Variants in SLC6A16 observed in about 807,000 individuals in gnomAD.
The protein encoded by SLC6A16 is solute carrier family 6 member 16, also known as orphan sodium- and chloride-dependent neurotransmitter transporter NTT5.
A neutral mutation model predicts 65.4 loss-of-function variants in SLC6A16; 54 were observed. The ratio of observed to expected loss-of-function variants is 0.83; its 90% CI spans 0.66 to 1.04. SLC6A16 has a LOEUF of 1.04. SLC6A16 is among the 50% of genes least tolerant of loss of function. The pLI, the probability that SLC6A16 is intolerant of heterozygous loss-of-function variation, is 0.00. For synonymous variants in SLC6A16, 330 were observed against 346.5 expected, an observed-to-expected ratio of 0.95 and a Z score of 0.53; for missense variants, 816 against 914.0, an observed-to-expected ratio of 0.89 and a Z score of 1.38.
chr19:49,290,561 G>T, intron 11 of SLC6A16, 44 bp downstream of exon 11: 1 of 1,603,652 alleles, frequency 6.2e-7, no homozygotes, highest in Non-Finnish European at 8.5e-7. Context: ...TGAAAGGTCT[G>T]GCCCCTACTC....
At chr19:49,338,187 A>G in the SLC6A16 span, 3 of 1,437,982 alleles carry the variant, frequency 2.1e-6, 1 homozygote, top group South Asian at 4.5e-5. The surrounding 1 kb of genome is among the most constrained non-coding windows in gnomAD (Gnocchi z 5.0). Flanking sequence ...AGATGACACA[A>G]CTGTCCCCGG....
chr19:49,337,626 A>G, the SLC6A16 span: 2 of 1,482,640 alleles, frequency 1.3e-6, no homozygotes, highest in Non-Finnish European at 1.8e-6. Context: ...AAATTAATAG[A>G]AAGACACACC....
intron 7 of SLC6A16, among the ~76,000 whole-genome samples, 164 bp from the exon 8 acceptor site, chr19:49,294,717 G>T (rs988717201): frequency 6.6e-6 from 1 of 152,102 alleles, no homozygotes; most frequent in Admixed American, 6.5e-5. Context: ...CTTCAGGGAC[G>T]TGAATTCGTT....
At chr19:49,321,924 C>CA (rs577442023) in intron 1 of SLC6A16, among the ~76,000 whole-genome samples, 1,211 of 106,776 alleles carry the variant, frequency 0.011, 7 homozygotes, top group Non-Finnish European at 0.014. Context: ...CATGTCTCAG[C>CA]AAAAAAAAAA....
At chr19:49,299,218 C>T (rs1016205204) in intron 7 of SLC6A16, among the ~76,000 whole-genome samples, 1 of 147,732 alleles carries the variant, frequency 6.8e-6, no homozygotes, top group African/African-American at 2.5e-5. Flanking sequence ...TGCAGTCCAG[C>T]CTGGGCAACA....
In SLC6A16 at chr19:49,309,046, G is replaced by C; in HGVS notation, c.1059C>G (p.Gly353=). 6.2e-7 allele frequency: 1 copy of C among 1,614,154 alleles called. No homozygotes were observed. The highest frequency in any genetic ancestry group is 8.5e-7 in the Non-Finnish European group (1 of 1,180,002). Residue 353 remains glycine (G), a synonymous_variant, in exon 7 of 12, where the codon GGC becomes GGG. Transcript: ENST00000335875. ...GGQVLSNTGI[G]LGSVASLASY... ...AGGCTAAGGAGGCAACGGAGCCAAG[G>C]CCTATGCCTGTGTTAGACAAAACTT...
the SLC6A16 span, chr19:49,332,259 T>A: frequency 4.4e-6 from 2 of 456,578 alleles, no homozygotes; most frequent in South Asian, 3.1e-5. Flanking sequence ...GTGTGTTTCT[T>A]AGAAGGACAC....
chr19:49,311,421 A>T lies in SLC6A16; in HGVS notation c.-64-10T>A. On this transcript the variant is annotated splice_polypyrimidine_tract_variant and intron_variant, in intron 1 of 11. Transcript: ENST00000335875. ...ATCTTCCTGAGGAGACCTGAAGGAC[A>T]CCAAAATCTGTAGATTTTAGATTTT... 6.8e-7 allele frequency: 1 copy of T among 1,470,234 alleles called. No homozygotes were observed. Among genetic ancestry groups the T allele is most frequent in the Non-Finnish European group, 9.1e-7 (1 of 1,101,158 alleles). 91.1% of individuals were successfully genotyped at this position (1,470,234 alleles called of 1,614,324 possible).
chr19:49,333,219 T>C, the SLC6A16 span, among the ~76,000 whole-genome samples: 1 of 151,630 alleles, frequency 6.6e-6, no homozygotes, highest in Non-Finnish European at 1.5e-5. Context: ...ATGCCTGTAA[T>C]CCCAGCACTT....
rs180977235 is a variant in SLC6A16 at position 49,312,143 on chromosome 19, C to G, written c.-64-732G>C. 2.9e-3 allele frequency among the ~76,000 whole-genome samples: 436 copies of G among 152,112 alleles called. 1 individual carries two copies. Among genetic ancestry groups the G allele is most frequent in the African/African-American group, 0.01 (424 of 41,492 alleles). The stretch of plus-strand genomic sequence containing the variant: ...AAGTGCTGGAATTACAGGTGTGAGC[C>G]ACTGCACCCAGCCTGAAATAAAAGG... On this transcript the variant is annotated intron_variant, in intron 1 of 11. Coordinates refer to ENST00000335875, the MANE Select transcript of SLC6A16 (RefSeq NM_014037.3).
the SLC6A16 span, chr19:49,335,755 C>G: frequency 3.2e-5 from 52 of 1,613,188 alleles, 1 homozygote; most frequent in South Asian, 5.7e-4. The surrounding 1 kb of genome is among the most constrained non-coding windows in gnomAD (Gnocchi z 4.6). Context: ...TCTGGATCCT[C>G]ATTGACAAGA....
At chr19:49,313,023 C>A (rs1970550417) in intron 1 of SLC6A16, among the ~76,000 whole-genome samples, 1 of 132,180 alleles carries the variant, frequency 7.6e-6, no homozygotes, top group Non-Finnish European at 1.5e-5. Context: ...GCGGAGGTTG[C>A]AATGAGCCGA....
At chr19:49,307,025 C>A (rs965436344) in intron 7 of SLC6A16, among the ~76,000 whole-genome samples, 2 of 81,534 alleles carry the variant, frequency 2.5e-5, no homozygotes, top group Non-Finnish European at 4.9e-5. Context: ...CTTCACGGTT[C>A]GTTACACAGT....
At chr19:49,320,280 C>T (rs151008387) in intron 1 of SLC6A16, among the ~76,000 whole-genome samples, 111 of 151,862 alleles carry the variant, frequency 7.3e-4, no homozygotes, top group Middle Eastern at 3.4e-3. Flanking sequence ...TGGTGGTGGG[C>T]GCCTGTAATC....
intron 7 of SLC6A16, among the ~76,000 whole-genome samples, chr19:49,304,231 C>A (rs978622578): frequency 2.6e-5 from 4 of 152,154 alleles, no homozygotes; most frequent in African/African-American, 9.7e-5. Flanking sequence ...CAAATTGAGT[C>A]AAGGAAGGCC....
rs1000983647 is a variant in SLC6A16 at position 49,309,278 on chromosome 19, G to C, written c.987+23C>G. On this transcript the variant is annotated intron_variant, in intron 6 of 11. Transcript: ENST00000335875. ...TGTGGTGCCCTACAAGGCCTGACGG[G>C]GGAGTGAGGAGATAGATTTCACCTT... The C allele has an allele frequency of 7.5e-6, 12 of 1,592,518 alleles. No homozygotes were observed. In the Admixed American group the frequency reaches 2.0e-4, roughly 27 times the overall value.
Position 49,309,053 on chromosome 19 carries a change from C to A in SLC6A16, c.1052G>T (p.Gly351Val). 6.2e-7 allele frequency: 1 copy of A among 1,614,154 alleles called. No individual in the cohort carries two copies. Among genetic ancestry groups the A allele is most frequent in the Non-Finnish European group, 8.5e-7 (1 of 1,180,034 alleles). Residue 351 changes from glycine (G) to valine (V), a missense_variant, in exon 7 of 12, where the codon GGC becomes GTC. Gly to Val is a moderately radical substitution (Grantham distance 109, BLOSUM62 -3). Transcript: ENST00000335875. ...LAGGQVLSNT[G>V]IGLGSVASLA... ...GGAGGCAACGGAGCCAAGGCCTATG[C>A]CTGTGTTAGACAAAACTTGACCCCC...
rs1292073074 is a variant in SLC6A16 at position 49,306,569 on chromosome 19, A to G, written c.1229+2307T>C. Among the ~76,000 whole-genome samples, 29 of 135,650 alleles carry G rather than the reference A, an allele frequency of 2.1e-4. No individual in the cohort carries two copies. In the South Asian group the frequency reaches 6.1e-3, roughly 29 times the overall value. 89.0% of individuals were successfully genotyped at this position (135,650 alleles called of 152,430 possible). A position where few individuals can be genotyped will look rare whatever the true frequency, so the allele number is the denominator to read the frequency against. ...TTTCTTTTTTTTTTTTTTGAGAGAG[A>G]GTCTCACTCTGTTGCCCAGGTGGAA... On this transcript the variant is annotated intron_variant, in intron 7 of 11. Coordinates refer to ENST00000335875, the MANE Select transcript of SLC6A16 (RefSeq NM_014037.3).
Position 49,294,443 on chromosome 19 carries a change from C to T in SLC6A16, c.1340G>A (p.Ser447Asn). 1.2e-6 allele frequency: 2 copies of T among 1,614,168 alleles called. No homozygotes were observed. Among genetic ancestry groups the T allele is most frequent in the Non-Finnish European group, 1.7e-6 (2 of 1,180,030 alleles). Residue 447 changes from serine (S) to asparagine (N), a missense_variant, in exon 8 of 12, where the codon AGT becomes AAT. Ser to Asn is a conservative substitution (Grantham distance 46). Transcript: ENST00000335875. ...GCTTTTGATGTGCTGGGGAAGGCCACTGAGCCAGGCATTGTAGATGGAGGT... is the reference window on the plus strand; with the variant it reads ...GCTTTTGATGTGCTGGGGAAGGCCATTGAGCCAGGCATTGTAGATGGAGGT... ...NPTSIYNAWL[S>N]GLPQHIKSMV...
Sources: gnomAD v4.1 joint callset for allele counts (sites outside exome capture counted in the v4.1 genomes callset) on GRCh38, gnomAD v4.1.1 for gene constraint, Gnocchi (gnomAD v3.1) non-coding constraint, MANE v1.5 for transcripts, NCBI Gene and HGNC (gene_info 2026-07-23, HGNC 2026-07-21) for gene names.